Variants in PHAF1 observed in about 807,000 individuals in gnomAD.
PHAF1 encodes phagophore assembly factor 1.
PHAF1 carries 23 observed loss-of-function variants against 63.1 expected under a neutral mutation model. That is an observed-to-expected ratio of 0.36 (90% CI 0.26 to 0.52). PHAF1 has a LOEUF of 0.52. PHAF1 is among the 20% of genes least tolerant of loss of function. The pLI is 0.93. For missense variants in PHAF1, 427 were observed against 517.2 expected (o/e 0.83, Z 1.69); for synonymous variants, 167 against 185.0 (o/e 0.90, Z 0.79).
chr16:67,110,052 G>A lies in PHAF1; in HGVS notation c.-124G>A. ...TGCTGCTGCCGCTGCCGCCGGGGAG[G>A]AGGTGGAAAGCGGGGCTGTGGCGGG... On this transcript the variant is annotated 5_prime_UTR_variant, in exon 1 of 16. Transcript: ENST00000219139. The A allele has an allele frequency of 1.0e-6, 1 of 975,586 alleles. No homozygotes were observed. The highest frequency in any genetic ancestry group is 1.5e-6 in the Non-Finnish European group (1 of 649,812). 60.4% of individuals were successfully genotyped at this position (975,586 alleles called of 1,614,324 possible). A position where few individuals can be genotyped will look rare whatever the true frequency, so the allele number is the denominator to read the frequency against.
chr16:67,127,330 C>G (rs1045701731), intron 3 of PHAF1, among the ~76,000 whole-genome samples: 1 of 152,172 alleles, frequency 6.6e-6, no homozygotes, highest in African/African-American at 2.4e-5. Flanking sequence ...TTCCAAAAGA[C>G]TTGGGTACTT....
At chr16:67,122,622 C>A (rs1963031282) in intron 2 of PHAF1, among the ~76,000 whole-genome samples, 1 of 150,394 alleles carries the variant, frequency 6.6e-6, no homozygotes, top group South Asian at 2.1e-4. Flanking sequence ...TGATTTAGAT[C>A]TCTGCTTTTC....
chr16:67,148,286 A>G lies in PHAF1; in HGVS notation c.*1155A>G, dbSNP rs981135322. The G allele has an allele frequency of 6.6e-6, 1 of 152,568 alleles. No individual in the cohort carries two copies. The highest frequency in any genetic ancestry group is 1.5e-5 in the Non-Finnish European group (1 of 68,042). 9.5% of individuals were successfully genotyped at this position (152,568 alleles called of 1,614,324 possible). The stretch of plus-strand genomic sequence containing the variant: ...TGCAGGGGACCTGTCTCAGGCTCCT[A>G]TATGGTTCCTGGGCCTTATAGCCAG... On this transcript the variant is annotated 3_prime_UTR_variant, in exon 16 of 16. Transcript: ENST00000219139.
chr16:67,131,889 T>C (rs939294461), intron 4 of PHAF1: 1 of 152,404 alleles, frequency 6.6e-6, no homozygotes, highest in Admixed American at 6.5e-5. Context: ...TCTTTTTTTT[T>C]TTTGAGACGG....
At chr16:67,141,889 C>T (rs1263165358) in intron 10 of PHAF1, among the ~76,000 whole-genome samples, 2 of 152,212 alleles carry the variant, frequency 1.3e-5, no homozygotes, top group African/African-American at 4.8e-5. Flanking sequence ...CTCTTCTCTT[C>T]TTGTCACCCA....
At chr16:67,146,516 C>T (rs999924585) in intron 15 of PHAF1, among the ~76,000 whole-genome samples, 166 bp downstream of exon 15, 23 of 152,218 alleles carry the variant, frequency 1.5e-4, no homozygotes, top group African/African-American at 5.5e-4. Context: ...CCACACTTAA[C>T]AATGAAGGTT....
rs757964879 is a variant in PHAF1, at chr16:67,110,223, A to G, written c.48A>G (p.Gln16=). The G allele has an allele frequency of 6.4e-7, 1 of 1,552,512 alleles. No homozygotes were observed. Among genetic ancestry groups the G allele is most frequent in the Non-Finnish European group, 8.7e-7 (1 of 1,147,494 alleles). The change falls in exon 1 of 16, where the codon CAA becomes CAG. Residue 16 remains glutamine (Q), a synonymous_variant. Transcript: ENST00000219139. ...CCGAACGCTCTCTGGGGAACGAGCA[A>G]TGGGAATTCACGCTGGGTGAGTTTG... The part of the protein sequence containing the change: ...VVPERSLGNE[Q]WEFTLGMPLA...
chr16:67,119,046 G>A (rs1017679494), intron 1 of PHAF1, among the ~76,000 whole-genome samples: 4 of 152,062 alleles, frequency 2.6e-5, no homozygotes, highest in Non-Finnish European at 4.4e-5. Flanking sequence ...AAAGTGTTGG[G>A]ATTACAGGCA....
intron 3 of PHAF1, among the ~76,000 whole-genome samples, chr16:67,130,742 C>T (rs905072602): frequency 6.6e-6 from 1 of 152,162 alleles, no homozygotes; most frequent in African/African-American, 2.4e-5. Context: ...CAAAGCAGAG[C>T]CTTAACAAGC....
intron 11 of PHAF1, 132 bp from the exon 12 acceptor site, chr16:67,144,702 C>G: frequency 1.9e-6 from 2 of 1,047,980 alleles, no homozygotes; most frequent in Non-Finnish European, 2.9e-6. Flanking sequence ...CCAGTGAACA[C>G]TGTCAGGCAC....
intron 3 of PHAF1, among the ~76,000 whole-genome samples, chr16:67,128,633 C>T (rs1963276973): frequency 6.6e-6 from 1 of 152,212 alleles, no homozygotes; most frequent in African/African-American, 2.4e-5. Flanking sequence ...CATCTCTTCC[C>T]CTCTGGGGAA....
intron 10 of PHAF1, among the ~76,000 whole-genome samples, chr16:67,141,614 C>T (rs370685835): frequency 2.6e-5 from 4 of 152,336 alleles, no homozygotes; most frequent in South Asian, 4.1e-4. Flanking sequence ...ATGTGGCATC[C>T]GGCCACTGTG....
chr16:67,119,995 C>T (rs970111804), intron 1 of PHAF1, 117 bp from the exon 2 acceptor site: 35 of 751,642 alleles, frequency 4.7e-5, no homozygotes, highest in Non-Finnish European at 7.0e-5. Context: ...TATCTGTAGA[C>T]CTTAGTAGCC....
rs1246873234 is a variant in PHAF1 at position 67,133,031 on chromosome 16, A to G, written c.450+120A>G. Reference sequence around the variant, plus strand: ...GATAGGCAGACTTTCTTTGGTTTCCATGTATTTGAGCTCTACAGGGTAAAG... The same window carrying G: ...GATAGGCAGACTTTCTTTGGTTTCCGTGTATTTGAGCTCTACAGGGTAAAG... On this transcript the variant is annotated intron_variant, in intron 6 of 15. Coordinates refer to ENST00000219139, the MANE Select transcript of PHAF1 (RefSeq NM_025187.5). 8.3e-6 allele frequency: 7 copies of G among 840,980 alleles called. No homozygotes were observed. The East Asian group carries it at 1.2e-4, about 15-fold the overall frequency. The allele number at this position is 840,980 out of a possible 1,614,324, so 52.1% of individuals were successfully genotyped here.
chr16:67,122,948 C>G (rs1398239043), intron 2 of PHAF1, among the ~76,000 whole-genome samples: 1 of 152,020 alleles, frequency 6.6e-6, no homozygotes, highest in East Asian at 1.9e-4. Context: ...AGGCTGATCT[C>G]AAACTCCTGA....
At chr16:67,115,683 A>T (rs1009702025) in intron 1 of PHAF1, among the ~76,000 whole-genome samples, 1 of 152,218 alleles carries the variant, frequency 6.6e-6, no homozygotes, top group Non-Finnish European at 1.5e-5. Flanking sequence ...TGCCATTCAT[A>T]TAGTTAGTTC....
At chr16:67,142,066 A>T (rs1206555430) in intron 10 of PHAF1, among the ~76,000 whole-genome samples, 4 of 152,250 alleles carry the variant, frequency 2.6e-5, no homozygotes, top group Non-Finnish European at 1.5e-5. Context: ...GCAACAGAAC[A>T]GTTCAGAGGA....
chr16:67,125,400 C>T (rs1329821994), intron 2 of PHAF1, among the ~76,000 whole-genome samples: 3 of 152,154 alleles, frequency 2.0e-5, no homozygotes, highest in African/African-American at 7.2e-5. Flanking sequence ...AGAGGGTCAT[C>T]TCATAATCAG....
chr16:67,144,841 C>T lies in PHAF1; in HGVS notation c.970C>T (p.Arg324Cys). The T allele has an allele frequency of 2.5e-6, 4 of 1,614,108 alleles. No individual in the cohort carries two copies. The highest frequency in any genetic ancestry group is 3.4e-6 in the Non-Finnish European group (4 of 1,179,996). The change falls in exon 12 of 16, where the codon CGC becomes TGC. Residue 324 changes from arginine (R) to cysteine (C), a missense_variant. Transcript: ENST00000219139. ...PGHYNFNIYHRCEFKIPLAIK... is the reference protein window; with the variant it reads ...PGHYNFNIYHCCEFKIPLAIK... Reference sequence around the variant, plus strand: ...CATTTGCCTTCTCTCTAGTTATCATCGCTGTGAGTTCAAGATCCCACTAGC... The same window carrying T: ...CATTTGCCTTCTCTCTAGTTATCATTGCTGTGAGTTCAAGATCCCACTAGC...
Sources: allele counts gnomAD v4.1 joint callset (sites outside exome capture counted in the v4.1 genomes callset), GRCh38; gene constraint gnomAD v4.1.1; transcripts MANE v1.5; gene names NCBI Gene and HGNC (gene_info 2026-07-23, HGNC 2026-07-21).